HSD17B12: variants seen among roughly 807,000 people sequenced by gnomAD.
HSD17B12 encodes the protein very-long-chain 3-oxoacyl-CoA reductase.
In HSD17B12, 32 loss-of-function variants were observed where a neutral mutation model predicts 39.3. The observed-to-expected ratio is 0.81, with a 90% CI of 0.61 to 1.09. The LOEUF (loss-of-function observed/expected upper bound fraction) is 1.09, where lower values mean the gene tolerates loss of function less well. HSD17B12 is among the 50% of genes least tolerant of loss of function. The pLI is 0.00. For missense variants in HSD17B12, 342 were observed against 382.9 expected, an observed-to-expected ratio of 0.89 and a Z score of 0.89; for synonymous variants, 150 against 146.7, an observed-to-expected ratio of 1.02 and a Z score of -0.16.
intron 1 of HSD17B12, among the ~76,000 whole-genome samples, chr11:43,709,805 G>C (rs767150097): frequency 6.6e-6 from 1 of 152,154 alleles, no homozygotes; most frequent in African/African-American, 2.4e-5. Context: ...GGAGAGAGTT[G>C]ACCTGACCTC....
the HSD17B12 span, among the ~76,000 whole-genome samples, chr11:43,561,901 G>A: frequency 6.6e-6 from 1 of 152,180 alleles, no homozygotes; most frequent in Non-Finnish European, 1.5e-5. Flanking sequence ...CATGGTGGGT[G>A]TTTAATAAAT....
chr11:43,652,725 G>A, the HSD17B12 span, among the ~76,000 whole-genome samples: 1 of 152,070 alleles, frequency 6.6e-6, no homozygotes, highest in Non-Finnish European at 1.5e-5. Context: ...AAGGGGTGAA[G>A]AGCTTCCATG....
At chr11:43,703,870 A>G (rs2134816405) in intron 1 of HSD17B12, among the ~76,000 whole-genome samples, 1 of 150,314 alleles carries the variant, frequency 6.7e-6, no homozygotes, top group East Asian at 2.0e-4. Context: ...TGTTTCATTG[A>G]TCTTTTGTAT....
intron 3 of HSD17B12, chr11:43,754,824 G>T (rs1483439611): frequency 1.3e-6 from 1 of 750,232 alleles, no homozygotes; most frequent in Non-Finnish European, 2.4e-6. Flanking sequence ...AAATAGAAAA[G>T]ATAGCAATAC....
the HSD17B12 span, among the ~76,000 whole-genome samples, chr11:43,651,189 G>A: frequency 2.0e-5 from 3 of 152,334 alleles, no homozygotes; most frequent in South Asian, 6.2e-4. Context: ...CAAGGTAAAT[G>A]TTGCCCATGA....
At chr11:43,707,161 G>T (rs72908859) in intron 1 of HSD17B12, among the ~76,000 whole-genome samples, 3 of 152,146 alleles carry the variant, frequency 2.0e-5, no homozygotes, top group Admixed American at 2.0e-4. Context: ...TATGTCAGAC[G>T]CTTTGCAATG....
rs12223096 is a variant in HSD17B12, at chr11:43,770,608, C to T, written c.283+16487C>T. Among the ~76,000 whole-genome samples, 595 of 152,266 alleles carry T rather than the reference C, an allele frequency of 3.9e-3. 6 individuals carry two copies. The East Asian group carries it at 0.044, about 11-fold the overall frequency. On this transcript the variant is annotated intron_variant, in intron 3 of 10. Transcript: ENST00000278353. ...AAAATCAGCCAGGCTTGATGGTGTG[C>T]ACCTGTGGTCCCAGCCACTGGGGAG...
the HSD17B12 span, among the ~76,000 whole-genome samples, chr11:43,651,805 C>A: frequency 1.3e-5 from 2 of 152,166 alleles, no homozygotes; most frequent in East Asian, 3.8e-4. Flanking sequence ...TCTTGAACTC[C>A]TGACCTCAAG....
chr11:43,638,269 G>A, the HSD17B12 span, among the ~76,000 whole-genome samples: 3 of 152,134 alleles, frequency 2.0e-5, no homozygotes, highest in South Asian at 4.1e-4. Context: ...GTGAAATCTG[G>A]CCAGGATTTC....
chr11:43,654,627 T>C, the HSD17B12 span, among the ~76,000 whole-genome samples: 1 of 152,204 alleles, frequency 6.6e-6, no homozygotes, highest in African/African-American at 2.4e-5. Context: ...TAGCCAGTTT[T>C]CCCAGCACCA....
chr11:43,577,224 G>A, the HSD17B12 span, among the ~76,000 whole-genome samples: 1 of 152,238 alleles, frequency 6.6e-6, no homozygotes, highest in Non-Finnish European at 1.5e-5. Flanking sequence ...CAGGGGGCGG[G>A]GTTGGCGCCA....
intron 1 of HSD17B12, chr11:43,718,977 A>T: frequency 9.6e-7 from 1 of 1,045,376 alleles, no homozygotes; most frequent in Non-Finnish European, 1.5e-6. Flanking sequence ...TTCATTGTGG[A>T]TGTTAAAGCC....
At chr11:43,604,728 G>C in the HSD17B12 span, among the ~76,000 whole-genome samples, 1 of 152,066 alleles carries the variant, frequency 6.6e-6, no homozygotes, top group East Asian at 1.9e-4. Context: ...ATAAGAACTT[G>C]AACTTGCTGT....
intron 1 of HSD17B12, among the ~76,000 whole-genome samples, chr11:43,714,997 T>A (rs1950107489): frequency 6.6e-6 from 1 of 152,222 alleles, no homozygotes; most frequent in African/African-American, 2.4e-5. Flanking sequence ...TTTGCTGAAT[T>A]TGCTTATCAG....
At chr11:43,724,901 G>A (rs1222146187) in intron 1 of HSD17B12, among the ~76,000 whole-genome samples, 3 of 152,222 alleles carry the variant, frequency 2.0e-5, no homozygotes, top group African/African-American at 7.2e-5. Flanking sequence ...TGAGAATATA[G>A]TAATTTTTTA....
At chr11:43,611,840 A>G in the HSD17B12 span, among the ~76,000 whole-genome samples, 1 of 152,344 alleles carries the variant, frequency 6.6e-6, no homozygotes, top group Admixed American at 6.5e-5. Context: ...ACCATTTCAG[A>G]GATGAGAAAC....
chr11:43,670,195 G>A, the HSD17B12 span: 4 of 152,206 alleles, frequency 2.6e-5, no homozygotes, highest in African/African-American at 9.6e-5. Flanking sequence ...ATTGGAGAGG[G>A]GCAAAGCAGC....
At chr11:43,764,180 C>G (rs1464281813) in intron 3 of HSD17B12, among the ~76,000 whole-genome samples, 1 of 152,054 alleles carries the variant, frequency 6.6e-6, no homozygotes, top group Non-Finnish European at 1.5e-5. Context: ...TTATATAACT[C>G]TGAATTTATT....
intron 3 of HSD17B12, among the ~76,000 whole-genome samples, chr11:43,777,957 A>C (rs1950725603): frequency 6.6e-6 from 1 of 152,192 alleles, no homozygotes; most frequent in Non-Finnish European, 1.5e-5. Context: ...TTCAAAAGCT[A>C]GCAGAAGGCA....
Sources: gnomAD v4.1 joint callset for allele counts (sites outside exome capture counted in the v4.1 genomes callset) on GRCh38, gnomAD v4.1.1 for gene constraint, MANE v1.5 for transcripts, NCBI Gene and HGNC (gene_info 2026-07-23, HGNC 2026-07-21) for gene names.